EYS: variants seen among roughly 807,000 people sequenced by gnomAD.
EYS encodes the protein protein eyes shut homolog.
A neutral mutation model predicts 282.1 loss-of-function variants in EYS; 250 were observed. That is an observed-to-expected ratio of 0.89 (90% CI 0.80 to 0.98). The LOEUF is 0.98. EYS is among the 50% of genes least tolerant of loss of function. EYS has a pLI of 0.00. For missense variants in EYS, 4,016 were observed against 3,709.0 expected, an observed-to-expected ratio of 1.08 and a Z score of -2.15; for synonymous variants, 1,355 against 1,282.9, an observed-to-expected ratio of 1.06 and a Z score of -1.20.
intron 35 of EYS, among the ~76,000 whole-genome samples, chr6:63,887,633 T>C (rs536918707): frequency 6.6e-6 from 1 of 152,336 alleles, no homozygotes; most frequent in African/African-American, 2.4e-5. Context: ...GCCCAAATAC[T>C]ACACTTTTCC....
chr6:64,115,871 A>G (rs1773366086), intron 31 of EYS, among the ~76,000 whole-genome samples: 1 of 152,084 alleles, frequency 6.6e-6, no homozygotes, highest in South Asian at 2.1e-4. Context: ...TTTCCTAACA[A>G]TAAATTCAAA....
intron 1 of EYS, among the ~76,000 whole-genome samples, chr6:65,700,857 A>G (rs578106819): frequency 2.2e-4 from 33 of 152,160 alleles, no homozygotes; most frequent in African/African-American, 7.9e-4. Flanking sequence ...GGTTTTGTGT[A>G]TTTTCAGTTC....
Position 64,590,452 on chromosome 6 carries a change from C to T in EYS, c.5415G>A (p.Gln1805=). 6.4e-7 allele frequency: 1 copy of T among 1,551,356 alleles called. No homozygotes were observed. Among genetic ancestry groups the T allele is most frequent in the Non-Finnish European group, 8.7e-7 (1 of 1,146,764 alleles). The change falls in exon 26 of 43, where the codon CAG becomes CAA. Residue 1805 remains glutamine, a synonymous_variant. Coordinates refer to ENST00000503581, the MANE Select transcript of EYS (RefSeq NM_001142800.2). ...TVSATPALSI[Q]TSSSMSVIRP... Reference sequence around the variant, plus strand: ...TAATTACAGACATGGAGGAAGACGTCTGTATTGAAAGTGCTGGAGTTGCTG... The same window carrying T: ...TAATTACAGACATGGAGGAAGACGTTTGTATTGAAAGTGCTGGAGTTGCTG...
At chr6:65,459,478 T>G (rs1764739819) in intron 5 of EYS, among the ~76,000 whole-genome samples, 1 of 152,010 alleles carries the variant, frequency 6.6e-6, no homozygotes, top group Non-Finnish European at 1.5e-5. Context: ...AAAATCAATA[T>G]TTGGAATATG....
At chr6:65,437,772 A>G (rs984842627) in intron 5 of EYS, among the ~76,000 whole-genome samples, 1 of 152,136 alleles carries the variant, frequency 6.6e-6, no homozygotes, top group Non-Finnish European at 1.5e-5. Context: ...CAAACGTTTG[A>G]TAAAACAGTC....
rs78904341 is a variant in EYS at position 65,076,596 on chromosome 6, T to C, written c.2024-18869A>G. Among the ~76,000 whole-genome samples, 8 of 152,076 alleles carry C rather than the reference T, an allele frequency of 5.3e-5. No homozygotes were observed. In the East Asian group the frequency reaches 1.4e-3, roughly 26 times the overall value. On this transcript the variant is annotated intron_variant, in intron 12 of 42. Coordinates refer to ENST00000503581, the MANE Select transcript of EYS (RefSeq NM_001142800.2). Reference sequence around the variant, plus strand: ...AGCAACAAAATTATGACTATTTTAGTTTTGTCTAAATCCAAAATTTATAGA... The same window carrying C: ...AGCAACAAAATTATGACTATTTTAGCTTTGTCTAAATCCAAAATTTATAGA...
intron 12 of EYS, among the ~76,000 whole-genome samples, chr6:65,206,312 A>G (rs1178733474): frequency 6.6e-6 from 1 of 151,784 alleles, no homozygotes; most frequent in East Asian, 1.9e-4. Flanking sequence ...ATTCCTGGAA[A>G]CATACAACCT....
At chr6:65,159,758 A>G (rs1764808900) in intron 12 of EYS, among the ~76,000 whole-genome samples, 1 of 150,920 alleles carries the variant, frequency 6.6e-6, no homozygotes, top group South Asian at 2.1e-4. Flanking sequence ...GTTTTGTCAA[A>G]GACAGAATTG....
intron 37 of EYS, among the ~76,000 whole-genome samples, chr6:63,789,944 G>A (rs1770464692): frequency 6.6e-6 from 1 of 152,162 alleles, no homozygotes; most frequent in Non-Finnish European, 1.5e-5. Flanking sequence ...GAAGTTCTGG[G>A]ATGATCCATC....
At chr6:65,376,031 C>G (rs1454352332) in intron 8 of EYS, among the ~76,000 whole-genome samples, 1 of 152,098 alleles carries the variant, frequency 6.6e-6, no homozygotes, top group Non-Finnish European at 1.5e-5. Context: ...GAGAATGCCA[C>G]TAAGATACTC....
intron 36 of EYS, among the ~76,000 whole-genome samples, chr6:63,828,890 T>C (rs1366490542): frequency 2.0e-5 from 3 of 148,280 alleles, no homozygotes; most frequent in African/African-American, 5.3e-5. Flanking sequence ...TGTAAACTAA[T>C]ACAGAATGTA....
At chr6:65,638,976 T>G (rs2149812442) in intron 2 of EYS, among the ~76,000 whole-genome samples, 1 of 152,304 alleles carries the variant, frequency 6.6e-6, no homozygotes, top group East Asian at 1.9e-4. Context: ...CACAATACCC[T>G]CTTAATTACC....
At chr6:63,777,931 G>A in intron 40 of EYS, 75 bp downstream of exon 40, 1 of 1,304,098 alleles carries the variant, frequency 7.7e-7, no homozygotes, top group Non-Finnish European at 1.1e-6. Context: ...GTTTGTACAA[G>A]TGGAATGACA....
intron 13 of EYS, among the ~76,000 whole-genome samples, chr6:65,014,344 G>A (rs2150134960): frequency 6.6e-6 from 1 of 152,240 alleles, no homozygotes; most frequent in Middle Eastern, 3.4e-3. Context: ...TTGACTTGCA[G>A]AAATTGTAAA....
intron 5 of EYS, among the ~76,000 whole-genome samples, chr6:65,460,106 T>C (rs1467016657): frequency 1.4e-5 from 2 of 145,292 alleles, no homozygotes; most frequent in East Asian, 2.0e-4. Context: ...CACATACATA[T>C]AAAATATCCT....
intron 19 of EYS, among the ~76,000 whole-genome samples, chr6:64,835,690 TAA>T (rs1382555208): frequency 1.3e-5 from 2 of 151,646 alleles, no homozygotes; most frequent in African/African-American, 4.8e-5. Flanking sequence ...TAAACTGGGT[TAA>T]TAGATCTGGG....
chr6:64,744,374 C>T (rs976600475), intron 22 of EYS, among the ~76,000 whole-genome samples: 13 of 152,116 alleles, frequency 8.5e-5, no homozygotes, highest in South Asian at 2.1e-4. Context: ...TAAGCCAATA[C>T]GGAATCTCTG....
chr6:63,726,404 C>T, intron 42 of EYS, 115 bp downstream of exon 42: 1 of 893,386 alleles, frequency 1.1e-6, no homozygotes, highest in Non-Finnish European at 1.6e-6. Flanking sequence ...GACAATAGAA[C>T]ATAAAAGCAT....
chr6:64,132,233 T>G (rs754081577), intron 31 of EYS, among the ~76,000 whole-genome samples: 1 of 152,054 alleles, frequency 6.6e-6, no homozygotes, highest in Non-Finnish European at 1.5e-5. Flanking sequence ...TATACATTTT[T>G]AAAAATATAA....
Sources: allele counts gnomAD v4.1 joint callset (sites outside exome capture counted in the v4.1 genomes callset), GRCh38; gene constraint gnomAD v4.1.1; transcripts MANE v1.5; gene names NCBI Gene and HGNC (gene_info 2026-07-23, HGNC 2026-07-21).